Variants in MKLN1 observed in about 807,000 individuals in gnomAD.
MKLN1 encodes the protein muskelin.
MKLN1 carries 18 observed loss-of-function variants against 99.0 expected under a neutral mutation model. The ratio of observed to expected loss-of-function variants is 0.18; its 90% CI spans 0.13 to 0.27. The LOEUF (loss-of-function observed/expected upper bound fraction) is 0.27. Ranked by LOEUF, MKLN1 falls within the 10% of genes least tolerant of loss-of-function variation. The pLI, the probability that MKLN1 is intolerant of heterozygous loss-of-function variation, is 1.00. For missense variants in MKLN1, 621 were observed against 875.9 expected, an observed-to-expected ratio of 0.71 and a Z score of 3.67; for synonymous variants, 288 against 293.2, an observed-to-expected ratio of 0.98 and a Z score of 0.18.
intron 2 of MKLN1, among the ~76,000 whole-genome samples, chr7:131,194,003 G>T (rs989807342): frequency 1.7e-3 from 218 of 128,218 alleles, no homozygotes; most frequent in East Asian, 3.0e-3. Context: ...GCTTTGTTTT[G>T]TTTTTTTTTT....
rs527528872 is a variant in MKLN1, at chr7:131,214,783, G to A, written c.-179+11809G>A. 7.0e-4 allele frequency among the ~76,000 whole-genome samples: 107 copies of A among 152,240 alleles called. 3 individuals are homozygous for A. The South Asian group carries it at 0.022, about 31-fold the overall frequency. On this transcript the variant is annotated intron_variant, in intron 3 of 7. Coordinates refer to the MKLN1 transcript ENST00000416992. ...GGATTTTTCAAATTGGGTTTGCATT[G>A]AAATTAAATATTAACTTTGGGAGAA... is the stretch of plus-strand genomic sequence containing the variant.
rs1483761850 is a variant in MKLN1, at chr7:131,352,749, C to A, written c.99-22675C>A. ...TGTCCTAAGGTCAGTTGGAATAATTCTTTTTATTATTTTCTGTGGGTTATG... is the reference window on the plus strand; with the variant it reads ...TGTCCTAAGGTCAGTTGGAATAATTATTTTTATTATTTTCTGTGGGTTATG... On this transcript the variant is annotated intron_variant, in intron 1 of 17. Transcript: ENST00000352689. 2.0e-5 allele frequency among the ~76,000 whole-genome samples: 3 copies of A among 152,142 alleles called. No individual in the cohort carries two copies. In the East Asian group the frequency reaches 5.8e-4, roughly 29 times the overall value.
In MKLN1 at chr7:131,274,801, T is replaced by G. The variant is rs560635827; in HGVS notation, c.-179+71827T>G. 2.6e-5 allele frequency among the ~76,000 whole-genome samples: 4 copies of G among 152,300 alleles called. No individual in the cohort carries two copies. In the East Asian group the frequency reaches 7.7e-4, roughly 29 times the overall value. On this transcript the variant is annotated intron_variant, in intron 3 of 7. Transcript: ENST00000416992. ...AGAACTTAGGCAAGTTTCTTAACTTTGAGCCTCAGTTTCCTGCTATGTGAT... is the reference window on the plus strand; with the variant it reads ...AGAACTTAGGCAAGTTTCTTAACTTGGAGCCTCAGTTTCCTGCTATGTGAT...
At chr7:131,169,444 C>T (rs116307457) in intron 2 of MKLN1, among the ~76,000 whole-genome samples, 2,442 of 152,256 alleles carry the variant, frequency 0.016, 69 homozygotes, top group African/African-American at 0.056. Flanking sequence ...ACAAAATTAA[C>T]AGTTTGACTG....
chr7:131,271,909 C>CAA (rs35730081), intron 3 of MKLN1, among the ~76,000 whole-genome samples: 17 of 143,368 alleles, frequency 1.2e-4, no homozygotes, highest in South Asian at 4.5e-4. Context: ...AACTCTGTCT[C>CAA]AAAAAAAAAA....
chr7:131,192,117 ATACGTATATATAT>A, intron 2 of MKLN1, among the ~76,000 whole-genome samples: 1 of 86,706 alleles, frequency 1.2e-5, no homozygotes, highest in African/African-American at 4.9e-5. Flanking sequence ...TATTATATAT[ATACGTATATATAT>A]AAAAATATAT....
intron 3 of MKLN1, among the ~76,000 whole-genome samples, chr7:131,223,870 G>A (rs1032942731): frequency 4.6e-5 from 7 of 151,970 alleles, no homozygotes; most frequent in Admixed American, 2.6e-4. Context: ...GGGTTCAAGC[G>A]ATTCTCCTGA....
intron 12 of MKLN1, among the ~76,000 whole-genome samples, chr7:131,460,226 A>G (rs570382307): frequency 1.3e-5 from 2 of 151,500 alleles, no homozygotes; most frequent in Non-Finnish European, 2.9e-5. Context: ...TGGTTGTTCT[A>G]TTTGTTCATC....
rs1409871268 is a variant in MKLN1, at chr7:131,133,863, C to T, written c.-418-8957C>T. On this transcript the variant is annotated intron_variant, in intron 1 of 7. Coordinates refer to the MKLN1 transcript ENST00000416992. ...TTTTTTTTTGAGACGAAGTTTTGCT[C>T]TTGTCGCCCAGGCTGGAGCACAATG... is the stretch of plus-strand genomic sequence containing the variant. Among the ~76,000 whole-genome samples the T allele has an allele frequency of 8.7e-4, 61 of 69,850 alleles. 1 individual carries two copies. Among genetic ancestry groups the T allele is most frequent in the African/African-American group, 3.0e-3 (58 of 19,080 alleles). The allele number at this position is 69,850 out of a possible 152,430, so 45.8% of individuals were successfully genotyped here. A position where few individuals can be genotyped will look rare whatever the true frequency, so the allele number is the denominator to read the frequency against.
intron 1 of MKLN1, among the ~76,000 whole-genome samples, chr7:131,110,742 T>A (rs1305640510): frequency 6.6e-6 from 1 of 152,206 alleles, no homozygotes; most frequent in Non-Finnish European, 1.5e-5. Context: ...CCCAAGTTCC[T>A]TTGACCAGCA....
At chr7:131,396,068 A>G (rs1794350226) in intron 4 of MKLN1, among the ~76,000 whole-genome samples, 2 of 151,776 alleles carry the variant, frequency 1.3e-5, no homozygotes, top group Middle Eastern at 6.8e-3. Flanking sequence ...TCAATTGAAT[A>G]TATATATATA....
chr7:131,394,997 T>A (rs1794315918), intron 4 of MKLN1, among the ~76,000 whole-genome samples: 1 of 152,086 alleles, frequency 6.6e-6, no homozygotes, highest in African/African-American at 2.4e-5. Context: ...CATTATGTAA[T>A]ATTTTAAAAA....
In MKLN1 at chr7:131,211,867, G is replaced by A. The variant is rs534826400; in HGVS notation, c.-179+8893G>A. ...AGGTCAAAATATTGGTTAATAGAAA[G>A]ACTCCAAGTCTTTGGAGAAGCTTTA... On this transcript the variant is annotated intron_variant, in intron 3 of 7. Transcript: ENST00000416992. Among the ~76,000 whole-genome samples the A allele has an allele frequency of 3.3e-5, 5 of 152,254 alleles. No homozygotes were observed. In the East Asian group the frequency reaches 9.6e-4, roughly 29 times the overall value.
intron 10 of MKLN1, among the ~76,000 whole-genome samples, chr7:131,442,092 C>T (rs1795856976): frequency 6.6e-6 from 1 of 152,084 alleles, no homozygotes; most frequent in African/African-American, 2.4e-5. Context: ...CCATGTTTAC[C>T]AAGATTTCAC....
chr7:131,238,693 A>G (rs1165516339), intron 3 of MKLN1, among the ~76,000 whole-genome samples: 2 of 152,260 alleles, frequency 1.3e-5, no homozygotes, highest in Admixed American at 6.5e-5. Context: ...CTTATCTGAC[A>G]TTCACCATGG....
chr7:131,181,990 TG>T (rs1158154407), intron 2 of MKLN1, among the ~76,000 whole-genome samples: 1 of 152,074 alleles, frequency 6.6e-6, no homozygotes, highest in African/African-American at 2.4e-5. Flanking sequence ...AAAAATTAAC[TG>T]GGTGTGGTGG....
rs912226192 is a variant in MKLN1, at chr7:131,212,848, G to A, written c.-179+9874G>A. Among the ~76,000 whole-genome samples the A allele has an allele frequency of 3.3e-5, 5 of 151,702 alleles. No homozygotes were observed. The East Asian group carries it at 7.7e-4, about 23-fold the overall frequency. On this transcript the variant is annotated intron_variant, in intron 3 of 7. Coordinates refer to the MKLN1 transcript ENST00000416992. ...TGAGGCAGGAGAATTGCTGGAACCC[G>A]GGAGGCGGAGGTTGCGGTGAGCCGA...
intron 3 of MKLN1, among the ~76,000 whole-genome samples, chr7:131,317,140 A>G (rs1446400236): frequency 6.6e-6 from 1 of 152,202 alleles, no homozygotes; most frequent in Non-Finnish European, 1.5e-5. Context: ...ATCAACCCCA[A>G]GACACATAAT....
intron 3 of MKLN1, among the ~76,000 whole-genome samples, chr7:131,247,901 G>GTT (rs1258057614): frequency 8.3e-6 from 1 of 120,692 alleles, no homozygotes; most frequent in African/African-American, 3.0e-5. Flanking sequence ...TGTTTTGTTT[G>GTT]TGCGTGTGTG....
Sources: allele counts gnomAD v4.1 joint callset (sites outside exome capture counted in the v4.1 genomes callset), GRCh38; gene constraint gnomAD v4.1.1; transcripts MANE v1.5; gene names NCBI Gene and HGNC (gene_info 2026-07-23, HGNC 2026-07-21).